SYTL1: variants seen among roughly 807,000 people sequenced by gnomAD.
The protein encoded by SYTL1 is synaptotagmin-like protein 1.
In SYTL1, 53 loss-of-function variants were observed where a neutral mutation model predicts 74.6. The ratio of observed to expected loss-of-function variants is 0.71; its 90% CI spans 0.57 to 0.89. The LOEUF (loss-of-function observed/expected upper bound fraction) is 0.89, where lower values mean the gene tolerates loss of function less well. Among genes scored for constraint, SYTL1 ranks in the 40% least tolerant of loss-of-function variants. The pLI is 0.00. For missense variants in SYTL1, 728 were observed against 768.7 expected, an observed-to-expected ratio of 0.95 and a Z score of 0.63; for synonymous variants, 329 against 324.9, an observed-to-expected ratio of 1.01 and a Z score of -0.14.
Position 27,351,430 on chromosome 1 carries a change from C to T in SYTL1, c.1244-26C>T. ...GGGGGCGGTGGACTCCATCCGTGTG[C>T]GGGCCTGAGCCGAGCCTCTCCGCAG... On this transcript the variant is annotated intron_variant, in intron 12 of 14. Transcript: ENST00000616558. The surrounding 1 kb of genome is among the most constrained non-coding windows in gnomAD (Gnocchi z 5.0). 1 of 1,505,862 alleles carries T rather than the reference C, an allele frequency of 6.6e-7. No homozygotes were observed. The highest frequency in any genetic ancestry group is 8.9e-7 in the Non-Finnish European group (1 of 1,122,508). The allele number at this position is 1,505,862 out of a possible 1,614,324, so 93.3% of individuals were successfully genotyped here.
chr1:27,344,013 C>G (rs2014890209), intron 1 of SYTL1, among the ~76,000 whole-genome samples: 1 of 152,148 alleles, frequency 6.6e-6, no homozygotes, highest in South Asian at 2.1e-4. Context: ...CTCACTGCAA[C>G]CTCCTTCTCT....
Position 27,351,403 on chromosome 1 carries a change from T to G in SYTL1, c.1244-53T>G. 1.3e-6 allele frequency: 2 copies of G among 1,505,282 alleles called. No individual in the cohort carries two copies. The highest frequency in any genetic ancestry group is 1.8e-6 in the Non-Finnish European group (2 of 1,121,334). The allele number at this position is 1,505,282 out of a possible 1,614,324, so 93.2% of individuals were successfully genotyped here. A position where few individuals can be genotyped will look rare whatever the true frequency, so the allele number is the denominator to read the frequency against. ...AAGCGGGAGACTCCAGTCCCCGGGT[T>G]TGGGGGCGGTGGACTCCATCCGTGT... On this transcript the variant is annotated intron_variant, in intron 12 of 14. Coordinates refer to ENST00000616558, the MANE Select transcript of SYTL1 (RefSeq NM_001193308.2). This position sits in a 1 kb window ranked among gnomAD's most constrained non-coding sequence, Gnocchi z 5.0.
chr1:27,351,108 C>T lies in SYTL1; in HGVS notation c.1165-150C>T. On this transcript the variant is annotated intron_variant, in intron 11 of 14. Coordinates refer to ENST00000616558, the MANE Select transcript of SYTL1 (RefSeq NM_001193308.2). The surrounding 1 kb of genome is among the most constrained non-coding windows in gnomAD (Gnocchi z 5.0). The stretch of plus-strand genomic sequence containing the variant: ...CCAGGCGAAGCCCGGCCGGCCACGG[C>T]CCCTTCCCCGAGGGCGCTAGGACCC... 1.5e-6 allele frequency: 2 copies of T among 1,316,042 alleles called. No homozygotes were observed. Among genetic ancestry groups the T allele is most frequent in the African/African-American group, 1.5e-5 (1 of 67,930 alleles). The allele number at this position is 1,316,042 out of a possible 1,614,324, so 81.5% of individuals were successfully genotyped here.
At position 27,353,379 on chromosome 1, in the gene SYTL1, T is replaced by C; in HGVS notation, c.1440T>C (p.Asp480=). 9 of 1,611,828 alleles carry C rather than the reference T, an allele frequency of 5.6e-6. No individual in the cohort carries two copies. The highest frequency in any genetic ancestry group is 7.6e-6 in the Non-Finnish European group (9 of 1,179,350). Residue 480 remains aspartate (D), a synonymous_variant, in exon 14 of 15, where the codon GAT becomes GAC. Coordinates refer to ENST00000616558, the MANE Select transcript of SYTL1 (RefSeq NM_001193308.2). ...SPVFNHTMVY[D]GFGPADLRQA... is the part of the protein sequence containing the mutation. ...TGTTCAATCACACCATGGTGTACGA[T>C]GGCTTTGGGCCTGCTGACCTGCGCC...
rs1289165821 is a variant in SYTL1, at chr1:27,343,696, A to C, written c.-39+1546A>C. Among the ~76,000 whole-genome samples, 1 of 152,040 alleles carries C rather than the reference A, an allele frequency of 6.6e-6. No individual in the cohort carries two copies. The highest frequency in any genetic ancestry group is 1.5e-5 in the Non-Finnish European group (1 of 68,008). ...GGCATATTTCTGCATTTAATTAATC[A>C]AACTTTTACCAACCATCTGTTGTGT... On this transcript the variant is annotated intron_variant, in intron 1 of 14. Coordinates refer to ENST00000616558, the MANE Select transcript of SYTL1 (RefSeq NM_001193308.2). The surrounding 1 kb of genome is among the most constrained non-coding windows in gnomAD (Gnocchi z 5.2).
At position 27,351,809 on chromosome 1, in the gene SYTL1, C is replaced by T. The variant is rs2015289369; in HGVS notation, c.1343+254C>T. On this transcript the variant is annotated intron_variant, in intron 13 of 14. Coordinates refer to ENST00000616558, the MANE Select transcript of SYTL1 (RefSeq NM_001193308.2). The surrounding 1 kb of genome is among the most constrained non-coding windows in gnomAD (Gnocchi z 5.0). The stretch of plus-strand genomic sequence containing the variant: ...AGGCTGAGGGCTGCAAGGGTCCTTC[C>T]ATAGAGAACCTGGGAGGCCAGGCTG... The T allele has an allele frequency of 2.4e-6, 1 of 409,656 alleles. No homozygotes were observed. The highest frequency in any genetic ancestry group is 2.1e-5 in the African/African-American group (1 of 48,200). The allele number at this position is 409,656 out of a possible 1,614,324, so 25.4% of individuals were successfully genotyped here. A position where few individuals can be genotyped will look rare whatever the true frequency, so the allele number is the denominator to read the frequency against.
chr1:27,351,117 C>A lies in SYTL1; in HGVS notation c.1165-141C>A. Reference sequence around the variant, plus strand: ...GCCCGGCCGGCCACGGCCCCTTCCCCGAGGGCGCTAGGACCCCTAGGTTCT... The same window carrying A: ...GCCCGGCCGGCCACGGCCCCTTCCCAGAGGGCGCTAGGACCCCTAGGTTCT... On this transcript the variant is annotated intron_variant, in intron 11 of 14. Transcript: ENST00000616558. This position sits in a 1 kb window ranked among gnomAD's most constrained non-coding sequence, Gnocchi z 5.0. The A allele has an allele frequency of 7.6e-7, 1 of 1,316,348 alleles. No individual in the cohort carries two copies. The highest frequency in any genetic ancestry group is 1.0e-6 in the Non-Finnish European group (1 of 968,338). 81.5% of individuals were successfully genotyped at this position (1,316,348 alleles called of 1,614,324 possible). A position where few individuals can be genotyped will look rare whatever the true frequency, so the allele number is the denominator to read the frequency against.
chr1:27,347,679 CTG>C lies in SYTL1; in HGVS notation c.340+116_340+117del, dbSNP rs931233068. 2 of 1,281,122 alleles carry C rather than the reference CTG, an allele frequency of 1.6e-6. No homozygotes were observed. Among genetic ancestry groups the C allele is most frequent in the African/African-American group, 3.0e-5 (2 of 65,780 alleles). 79.4% of individuals were successfully genotyped at this position (1,281,122 alleles called of 1,614,324 possible). On this transcript the variant is annotated intron_variant, in intron 3 of 14. Transcript: ENST00000616558. This position sits in a 1 kb window ranked among gnomAD's most constrained non-coding sequence, Gnocchi z 4.9. ...GCTCCAGTCCTGGCTGCCCCCAGTA[CTG>C]TGTGTCTTTCAGTGGGCAATGCCCC...
intron 5 of SYTL1, 41 bp from the exon 6 acceptor site, chr1:27,349,039 C>G: frequency 6.6e-7 from 1 of 1,503,932 alleles, no homozygotes; most frequent in East Asian, 2.3e-5. Context: ...CTCTTCCTCA[C>G]CAGCCCCCGT....
Position 27,350,096 on chromosome 1 carries a change from A to G in SYTL1, c.872A>G (p.Gln291Arg), listed in dbSNP as rs1350995583. The G allele has an allele frequency of 1.4e-6, 2 of 1,426,760 alleles. No homozygotes were observed. The highest frequency in any genetic ancestry group is 1.5e-5 in the African/African-American group (1 of 66,144). 88.4% of individuals were successfully genotyped at this position (1,426,760 alleles called of 1,614,324 possible). A position where few individuals can be genotyped will look rare whatever the true frequency, so the allele number is the denominator to read the frequency against. ...CTGCGCGTGCACGTGATCCAGTGCC[A>G]GGGCCTGGCCGCCGCCCGGCGCCGC... ...AELRVHVIQCQGLAAARRRRS... is the reference protein window; with the variant it reads ...AELRVHVIQCRGLAAARRRRS... The change falls in exon 9 of 15, where the codon CAG (glutamine) becomes CGG (arginine). Residue 291 changes from glutamine to arginine, a missense_variant. Coordinates refer to ENST00000616558, the MANE Select transcript of SYTL1 (RefSeq NM_001193308.2). This position sits in a 1 kb window ranked among gnomAD's most constrained non-coding sequence, Gnocchi z 6.3.
Position 27,351,226 on chromosome 1 carries a change from C to A in SYTL1, c.1165-32C>A. 6.5e-7 allele frequency: 1 copy of A among 1,548,830 alleles called. No individual in the cohort carries two copies. Among genetic ancestry groups the A allele is most frequent in the Non-Finnish European group, 8.7e-7 (1 of 1,147,006 alleles). On this transcript the variant is annotated intron_variant, in intron 11 of 14. Transcript: ENST00000616558. The surrounding 1 kb of genome is among the most constrained non-coding windows in gnomAD (Gnocchi z 5.0). Reference sequence around the variant, plus strand: ...CCCTCCTGAGGCCCCTTTCCATTAGCCCCTGCTCCACGATAAGCCCGCCTC... The same window carrying A: ...CCCTCCTGAGGCCCCTTTCCATTAGACCCTGCTCCACGATAAGCCCGCCTC...
At position 27,343,503 on chromosome 1, in the gene SYTL1, G is replaced by A. The variant is rs1369896257; in HGVS notation, c.-39+1353G>A. Among the ~76,000 whole-genome samples the A allele has an allele frequency of 1.8e-4, 28 of 152,152 alleles. No homozygotes were observed. Among genetic ancestry groups the A allele is most frequent in the Non-Finnish European group, 1.3e-4 (9 of 68,030 alleles). Reference sequence around the variant, plus strand: ...CTGAGGAGGAGGTTGCCTCAGACAGGAAGGCCAAGTGGGCCAGGGCAGGGT... The same window carrying A: ...CTGAGGAGGAGGTTGCCTCAGACAGAAAGGCCAAGTGGGCCAGGGCAGGGT... On this transcript the variant is annotated intron_variant, in intron 1 of 14. Transcript: ENST00000616558. The surrounding 1 kb of genome is among the most constrained non-coding windows in gnomAD (Gnocchi z 5.2).
chr1:27,347,824 CCACGACAGG>C lies in SYTL1; in HGVS notation c.358_366del (p.His120_Arg122del), dbSNP rs775774489. 4.0e-5 allele frequency: 65 copies of C among 1,613,620 alleles called. No individual in the cohort carries two copies. The highest frequency in any genetic ancestry group is 5.2e-5 in the Non-Finnish European group (61 of 1,179,840). The stretch of plus-strand genomic sequence containing the variant: ...TGCGCCCAGGAGACCAGGCTCCAGG[CCACGACAGG>C]GAGGCTGAGGCTGCTGTGAAAGAGA... On this transcript the variant is annotated inframe_deletion, in exon 4 of 15. Coordinates refer to ENST00000616558, the MANE Select transcript of SYTL1 (RefSeq NM_001193308.2). The surrounding 1 kb of genome is among the most constrained non-coding windows in gnomAD (Gnocchi z 4.9).
In SYTL1 at chr1:27,350,595, A is replaced by AG; in HGVS notation, c.1005+115dup. 2 of 1,114,448 alleles carry AG rather than the reference A, an allele frequency of 1.8e-6. No homozygotes were observed. The highest frequency in any genetic ancestry group is 2.6e-6 in the Non-Finnish European group (2 of 769,448). 69.0% of individuals were successfully genotyped at this position (1,114,448 alleles called of 1,614,324 possible). ...ACGTCATTGCCCGGAGGATCGGCGG[A>AG]GGGGGCCCATTAACTCGTTATCCAG... is the stretch of plus-strand genomic sequence containing the variant. On this transcript the variant is annotated intron_variant, in intron 10 of 14. Coordinates refer to ENST00000616558, the MANE Select transcript of SYTL1 (RefSeq NM_001193308.2). The surrounding 1 kb of genome is among the most constrained non-coding windows in gnomAD (Gnocchi z 6.3).
chr1:27,351,067 T>G lies in SYTL1; in HGVS notation c.1164+115T>G. On this transcript the variant is annotated intron_variant, in intron 11 of 14. Coordinates refer to ENST00000616558, the MANE Select transcript of SYTL1 (RefSeq NM_001193308.2). The surrounding 1 kb of genome is among the most constrained non-coding windows in gnomAD (Gnocchi z 5.0). Reference sequence around the variant, plus strand: ...CCTTCGACAGAACCTCCCCTCAACCTCTTAACCTCATGGCCCCAGGCGAAG... The same window carrying G: ...CCTTCGACAGAACCTCCCCTCAACCGCTTAACCTCATGGCCCCAGGCGAAG... 7.2e-7 allele frequency: 1 copy of G among 1,382,254 alleles called. No homozygotes were observed. Among genetic ancestry groups the G allele is most frequent in the Non-Finnish European group, 9.8e-7 (1 of 1,016,192 alleles). The allele number at this position is 1,382,254 out of a possible 1,614,324, so 85.6% of individuals were successfully genotyped here.
At position 27,350,100 on chromosome 1, in the gene SYTL1, C is replaced by T. The variant is rs1461617950; in HGVS notation, c.876C>T (p.Gly292=). The change falls in exon 9 of 15, where the codon GGC becomes GGT. Residue 292 remains glycine (G), a synonymous_variant. Coordinates refer to ENST00000616558, the MANE Select transcript of SYTL1 (RefSeq NM_001193308.2). This position sits in a 1 kb window ranked among gnomAD's most constrained non-coding sequence, Gnocchi z 6.3. The stretch of plus-strand genomic sequence containing the variant: ...GCGTGCACGTGATCCAGTGCCAGGG[C>T]CTGGCCGCCGCCCGGCGCCGCCGCT... ...ELRVHVIQCQ[G]LAAARRRRSD... is the part of the protein sequence containing the mutation. The T allele has an allele frequency of 7.1e-7, 1 of 1,411,606 alleles. No homozygotes were observed. The highest frequency in any genetic ancestry group is 9.2e-7 in the Non-Finnish European group (1 of 1,089,626). 87.4% of individuals were successfully genotyped at this position (1,411,606 alleles called of 1,614,324 possible). A position where few individuals can be genotyped will look rare whatever the true frequency, so the allele number is the denominator to read the frequency against.
In SYTL1 at chr1:27,350,764, G is replaced by C; in HGVS notation, c.1006-30G>C. The C allele has an allele frequency of 6.2e-7, 1 of 1,608,876 alleles. No homozygotes were observed. Among genetic ancestry groups the C allele is most frequent in the South Asian group, 1.1e-5 (1 of 90,986 alleles). Reference sequence around the variant, plus strand: ...AGCATCTACGCGGGCCACCAGCAGTGCTCCACTAAAGCTCACCTCCTGTCC... The same window carrying C: ...AGCATCTACGCGGGCCACCAGCAGTCCTCCACTAAAGCTCACCTCCTGTCC... On this transcript the variant is annotated intron_variant, in intron 10 of 14. Transcript: ENST00000616558. The surrounding 1 kb of genome is among the most constrained non-coding windows in gnomAD (Gnocchi z 6.3).
intron 14 of SYTL1, 91 bp downstream of exon 14, chr1:27,353,579 C>A: frequency 6.5e-7 from 1 of 1,533,192 alleles, no homozygotes; most frequent in Non-Finnish European, 8.9e-7. Flanking sequence ...TCTGTCCTTT[C>A]CTGAGCTTTG....
intron 13 of SYTL1, 96 bp from the exon 14 acceptor site, chr1:27,353,187 T>C (rs150762831): frequency 1.0e-4 from 129 of 1,275,374 alleles, no homozygotes; most frequent in Admixed American, 3.8e-4. Context: ...CCAGGGGACA[T>C]GGACATATGT....
Sources: allele counts gnomAD v4.1 joint callset (sites outside exome capture counted in the v4.1 genomes callset), GRCh38; gene constraint gnomAD v4.1.1; non-coding constraint Gnocchi (gnomAD v3.1); transcripts MANE v1.5; gene names NCBI Gene and HGNC (gene_info 2026-07-23, HGNC 2026-07-21).